The following KCNQ3 variants were observed in gnomAD, a reference collection of about 807,000 sequenced individuals.
The protein encoded by KCNQ3 is potassium voltage-gated channel subfamily KQT member 3.
Under a neutral mutation model 92.5 loss-of-function variants are expected in KCNQ3, and 30 were observed. The observed-to-expected ratio is 0.32, with a 90% CI of 0.24 to 0.44. The LOEUF is 0.44. Among genes scored for constraint, KCNQ3 ranks in the 20% least tolerant of loss-of-function variants. The pLI, the probability that KCNQ3 is intolerant of heterozygous loss-of-function variation, is 1.00. For synonymous variants in KCNQ3, 450 were observed against 468.8 expected (o/e 0.96, Z 0.52); for missense variants, 913 against 1,140.3 (o/e 0.80, Z 2.87).
Position 132,172,431 on chromosome 8 carries a change from C to CACACACACACACAG in KCNQ3, c.1140+166_1140+167insCTGTGTGTGTGTGT, listed in dbSNP as rs777793487. Among the ~76,000 whole-genome samples, 1,824 of 150,610 alleles carry CACACACACACACAG rather than the reference C, an allele frequency of 0.012. 25 individuals carry two copies. Among genetic ancestry groups the CACACACACACACAG allele is most frequent in the Non-Finnish European group, 0.019 (1,306 of 67,572 alleles). ...ACACACACACACACACACACACACA[C>CACACACACACACAG]ACACAGACACACAAGACACACAGAC... is the stretch of plus-strand genomic sequence containing the variant. On this transcript the variant is annotated intron_variant, in intron 7 of 14. Transcript: ENST00000388996.
intron 1 of KCNQ3, among the ~76,000 whole-genome samples, chr8:132,220,768 T>C (rs1814199430): frequency 6.6e-6 from 1 of 151,552 alleles, no homozygotes; most frequent in Admixed American, 6.6e-5. Context: ...AATACATAAA[T>C]AAAAAATTAA....
chr8:132,173,446 G>C (rs566860565), intron 6 of KCNQ3, among the ~76,000 whole-genome samples: 1 of 152,144 alleles, frequency 6.6e-6, no homozygotes, highest in Non-Finnish European at 1.5e-5. Context: ...TTACTTAAAA[G>C]TTTTTTTCAA....
intron 1 of KCNQ3, among the ~76,000 whole-genome samples, chr8:132,423,614 G>A (rs879850028): frequency 2.6e-5 from 4 of 152,206 alleles, no homozygotes; most frequent in African/African-American, 4.8e-5. Context: ...GTGAAGATCC[G>A]ATGAGCAAAT....
At chr8:132,293,928 C>T (rs1429495732) in intron 1 of KCNQ3, among the ~76,000 whole-genome samples, 3 of 151,942 alleles carry the variant, frequency 2.0e-5, no homozygotes, top group Non-Finnish European at 2.9e-5. Context: ...AAATTAGATT[C>T]CTCATAGGTT....
At chr8:132,181,978 G>A (rs1485250773) in intron 3 of KCNQ3, among the ~76,000 whole-genome samples, 1 of 151,208 alleles carries the variant, frequency 6.6e-6, no homozygotes, top group South Asian at 2.1e-4. Context: ...CCAGGAGGTG[G>A]AGCTTGCAGT....
chr8:132,187,297 C>T, intron 1 of KCNQ3: 1 of 455,574 alleles, frequency 2.2e-6, no homozygotes, highest in Admixed American at 2.4e-5. Flanking sequence ...CTGGATCTGT[C>T]CTCACGAGCT....
chr8:132,467,916 C>G (rs563579983), intron 1 of KCNQ3, among the ~76,000 whole-genome samples: 1 of 152,140 alleles, frequency 6.6e-6, no homozygotes, highest in Non-Finnish European at 1.5e-5. Context: ...CCGCCTTGCA[C>G]GAAGACTTGG....
chr8:132,180,451 G>T, intron 3 of KCNQ3, 122 bp from the exon 4 acceptor site: 1 of 997,808 alleles, frequency 1.0e-6, no homozygotes, highest in Non-Finnish European at 1.5e-6. Flanking sequence ...GGGACAATCT[G>T]AGCACTGCTG....
intron 1 of KCNQ3, among the ~76,000 whole-genome samples, chr8:132,268,778 A>G (rs1199295739): frequency 2.0e-5 from 3 of 152,178 alleles, no homozygotes; most frequent in Non-Finnish European, 4.4e-5. Flanking sequence ...TATGCTAAGA[A>G]TATGTTTCGT....
At chr8:132,382,602 C>T (rs896677056) in intron 1 of KCNQ3, among the ~76,000 whole-genome samples, 1 of 152,142 alleles carries the variant, frequency 6.6e-6, no homozygotes, top group African/African-American at 2.4e-5. Context: ...TAAAATTTTA[C>T]AGGATTTTTA....
intron 1 of KCNQ3, among the ~76,000 whole-genome samples, chr8:132,327,027 A>G (rs1356398801): frequency 6.6e-6 from 1 of 152,214 alleles, no homozygotes; most frequent in East Asian, 1.9e-4. Flanking sequence ...CTTCACTGAA[A>G]TAAAAGTACC....
intron 9 of KCNQ3, among the ~76,000 whole-genome samples, chr8:132,144,914 A>G (rs937631754): frequency 6.6e-6 from 1 of 152,130 alleles, no homozygotes; most frequent in Non-Finnish European, 1.5e-5. Context: ...TTTCTCATCC[A>G]TGGCACTCGG....
intron 1 of KCNQ3, among the ~76,000 whole-genome samples, chr8:132,375,171 G>T (rs763716614): frequency 3.6e-4 from 55 of 152,086 alleles, no homozygotes; most frequent in Non-Finnish European, 6.3e-4. Flanking sequence ...CATTTATATG[G>T]ATCATATTCA....
intron 3 of KCNQ3, among the ~76,000 whole-genome samples, chr8:132,183,266 T>C (rs976287784): frequency 1.3e-5 from 2 of 152,108 alleles, no homozygotes; most frequent in Admixed American, 1.3e-4. Context: ...AGAAGACTCT[T>C]CTGGAGTAGA....
At chr8:132,430,172 C>A (rs2130822735) in intron 1 of KCNQ3, among the ~76,000 whole-genome samples, 2 of 152,244 alleles carry the variant, frequency 1.3e-5, no homozygotes, top group African/African-American at 4.8e-5. Flanking sequence ...TTAGTGTGTG[C>A]TTTAGATTTA....
chr8:132,450,681 A>G (rs1316369343), intron 1 of KCNQ3, among the ~76,000 whole-genome samples: 1 of 152,224 alleles, frequency 6.6e-6, no homozygotes, highest in Non-Finnish European at 1.5e-5. Context: ...TCCCACAGGC[A>G]GGCCCACCAG....
At chr8:132,433,814 C>G (rs529195991) in intron 1 of KCNQ3, among the ~76,000 whole-genome samples, 1 of 152,290 alleles carries the variant, frequency 6.6e-6, no homozygotes, top group South Asian at 2.1e-4. Context: ...CACTTGAACC[C>G]AGGAGGCGGA....
chr8:132,374,777 A>G (rs924222190), intron 1 of KCNQ3, among the ~76,000 whole-genome samples: 13 of 152,160 alleles, frequency 8.5e-5, no homozygotes, highest in African/African-American at 1.2e-4. Flanking sequence ...AAAACGTGGT[A>G]TCTGGTTTTC....
In KCNQ3 at chr8:132,129,886, C is replaced by T. The variant is rs759776061; in HGVS notation, c.1995G>A (p.Ser665=). The T allele has an allele frequency of 6.1e-5, 98 of 1,613,944 alleles. No individual in the cohort carries two copies. Among genetic ancestry groups the T allele is most frequent in the Middle Eastern group, 1.6e-4 (1 of 6,084 alleles). Residue 665 remains serine (S), a synonymous_variant, in exon 15 of 15, where the codon TCG becomes TCA. Coordinates refer to ENST00000388996, the MANE Select transcript of KCNQ3 (RefSeq NM_004519.4). This position sits in a 1 kb window ranked among gnomAD's most constrained non-coding sequence, Gnocchi z 5.9. ...CCTCCTTCTTCTCTGCTTCAGCTGG[C>T]GAGGAGGTGCCCTTGGTTGGGTAAT... ...TEYYPTKGTS[S]PAEAEKKEDN...
Sources: gnomAD v4.1 joint callset for allele counts (sites outside exome capture counted in the v4.1 genomes callset) on GRCh38, gnomAD v4.1.1 for gene constraint, Gnocchi (gnomAD v3.1) non-coding constraint, MANE v1.5 for transcripts, NCBI Gene and HGNC (gene_info 2026-07-23, HGNC 2026-07-21) for gene names.